Variants in ALG13 observed in about 807,000 individuals in gnomAD.
ALG13 encodes UDP-N-acetylglucosamine transferase subunit ALG13.
In ALG13, 11 loss-of-function variants were observed where a neutral mutation model predicts 87.8. That is an observed-to-expected ratio of 0.13 (90% confidence interval 0.08 to 0.21). ALG13 has a LOEUF of 0.21. Ranked by LOEUF, ALG13 falls within the 10% of genes least tolerant of loss-of-function variation. ALG13 has a pLI of 1.00. For missense variants in ALG13, 756 were observed against 866.1 expected, an observed-to-expected ratio of 0.87 and a Z score of 1.60; for synonymous variants, 320 against 306.3, an observed-to-expected ratio of 1.04 and a Z score of -0.47.
At chrX:111,742,131 A>C (rs934741014) in intron 23 of ALG13, among the ~76,000 whole-genome samples, 1 of 111,802 alleles carries the variant, frequency 8.9e-6, no homozygotes, top group Non-Finnish European at 1.9e-5. Flanking sequence ...AATGAACCTC[A>C]ACTATAGATC....
chrX:111,733,453 A>C (rs1288185742), intron 21 of ALG13, among the ~76,000 whole-genome samples: 1 of 111,915 alleles, frequency 8.9e-6, no homozygotes, highest in Non-Finnish European at 1.9e-5. Flanking sequence ...GAGTTGCTTC[A>C]GATGCCATTA....
At chrX:111,698,900 T>C (rs750307465) in intron 3 of ALG13, among the ~76,000 whole-genome samples, 2 of 111,729 alleles carry the variant, frequency 1.8e-5, no homozygotes, top group African/African-American at 6.5e-5. Context: ...CTAGATCATA[T>C]GGTAGTTCTA....
intron 24 of ALG13, among the ~76,000 whole-genome samples, chrX:111,752,408 C>T (rs982113370): frequency 1.8e-5 from 2 of 110,955 alleles, no homozygotes; most frequent in Non-Finnish European, 3.8e-5. Context: ...AATGCTCAAA[C>T]AGAAAAGCTT....
chrX:111,705,072 T>C (rs768497607), intron 3 of ALG13, among the ~76,000 whole-genome samples: 16 of 111,980 alleles, frequency 1.4e-4, no homozygotes, highest in Non-Finnish European at 2.6e-4. Context: ...AATGGAATCA[T>C]ATTCCTTTTG....
In ALG13 at chrX:111,691,129, C is replaced by T. The variant is rs1050118623; in HGVS notation, c.383+6026C>T. ...TTATTTATTTATTTTGAGACCAAGT[C>T]TCGCTCTGTCACCCAGACTGGAGTG... On this transcript the variant is annotated intron_variant, in intron 3 of 26. Transcript: ENST00000394780. Among the ~76,000 whole-genome samples the T allele has an allele frequency of 2.7e-5, 3 of 111,096 alleles. No homozygotes were observed. In the Admixed American group the frequency reaches 2.9e-4, roughly 11 times the overall value.
chrX:111,703,185 GTCATCATCATCA>G (rs747566924), intron 3 of ALG13, among the ~76,000 whole-genome samples: 7 of 107,836 alleles, frequency 6.5e-5, no homozygotes, highest in Admixed American at 9.9e-5. Context: ...TTTTTATATT[GTCATCATCATCA>G]TCATCATCAT....
chrX:111,734,071 C>G (rs1942995302), intron 21 of ALG13, among the ~76,000 whole-genome samples: 1 of 112,044 alleles, frequency 8.9e-6, no homozygotes, highest in Non-Finnish European at 1.9e-5. Context: ...GTATAGATTG[C>G]TAGATTGTGA....
intron 22 of ALG13, among the ~76,000 whole-genome samples, chrX:111,735,508 TG>T: frequency 9.0e-6 from 1 of 111,505 alleles, no homozygotes; most frequent in Non-Finnish European, 1.9e-5. Context: ...AAGATCATCC[TG>T]GGCAAAGGAA....
intron 24 of ALG13, among the ~76,000 whole-genome samples, chrX:111,750,257 G>A (rs771359814): frequency 3.4e-4 from 38 of 110,864 alleles, no homozygotes; most frequent in Non-Finnish European, 5.3e-4. Context: ...CTTAGCAATC[G>A]CTCCTCTAGT....
chrX:111,728,224 G>A lies in ALG13; in HGVS notation c.2287G>A (p.Gly763Arg). 1.7e-6 allele frequency: 2 copies of A among 1,211,339 alleles called. No individual in the cohort carries two copies. Among genetic ancestry groups the A allele is most frequent in the African/African-American group, 1.7e-5 (1 of 57,791 alleles). The change falls in exon 19 of 27, where the codon GGA becomes AGA. Residue 763 changes from glycine to arginine, a missense_variant. This residue lies in a region of ALG13 where 362 missense variants were observed against 383.5 expected (regional missense o/e 0.94). Transcript: ENST00000394780. ...CTCTACAATGGTTCCTGCTACTTCA[G>A]GATACTGTGTTGGAAGGCGGGGACA... ...GPSTMVPATSGYCVGRRGHSS... is the reference protein window; with the variant it reads ...GPSTMVPATSRYCVGRRGHSS...
chrX:111,718,017 G>A (rs1940882739), intron 9 of ALG13, 90 bp downstream of exon 9: 3 of 1,072,815 alleles, frequency 2.8e-6, no homozygotes, highest in Admixed American at 2.6e-5. Context: ...TTAAAACCTT[G>A]TTGGTACCTA....
At chrX:111,710,641 A>G in intron 5 of ALG13, among the ~76,000 whole-genome samples, 1 of 112,109 alleles carries the variant, frequency 8.9e-6, no homozygotes, top group Non-Finnish European at 1.9e-5. Context: ...TGATGATTTC[A>G]TGGGTGTATA....
chrX:111,717,215 G>T (rs1464782324), intron 8 of ALG13, among the ~76,000 whole-genome samples: 1 of 110,851 alleles, frequency 9.0e-6, no homozygotes, highest in Non-Finnish European at 1.9e-5. Context: ...CATGGCCTTT[G>T]AATTGTTTTG....
rs1933058389 is a variant in ALG13, at chrX:111,681,309, G to A, written c.81+10G>A. On this transcript the variant is annotated intron_variant, in intron 1 of 26. Coordinates refer to ENST00000394780, the MANE Select transcript of ALG13 (RefSeq NM_001099922.3). Reference sequence around the variant, plus strand: ...GCCCGACAGTCTGCAAGTGAGTGAGGGAGGCGAGCAGGCGGCGGCTTGGCT... The same window carrying A: ...GCCCGACAGTCTGCAAGTGAGTGAGAGAGGCGAGCAGGCGGCGGCTTGGCT... 1.7e-6 allele frequency: 2 copies of A among 1,209,911 alleles called. No individual in the cohort carries two copies. Among genetic ancestry groups the A allele is most frequent in the Admixed American group, 2.2e-5 (1 of 45,938 alleles).
intron 3 of ALG13, among the ~76,000 whole-genome samples, chrX:111,698,733 G>A: frequency 9.0e-6 from 1 of 111,674 alleles, no homozygotes; most frequent in Non-Finnish European, 1.9e-5. Flanking sequence ...TTTTGTATAT[G>A]TACCACATTT....
intron 25 of ALG13, 78 bp from the exon 26 acceptor site, chrX:111,757,508 TTG>T: frequency 1.8e-5 from 13 of 717,336 alleles, no homozygotes; most frequent in South Asian, 6.2e-5. Flanking sequence ...TTTTTTTTTT[TTG>T]TCTGTGGGGA....
At position 111,759,765 on chromosome X, in the gene ALG13, C is replaced by A. The variant is rs780502052; in HGVS notation, c.3180C>A (p.Val1060=). ...DTFPNADSSS[V]PHGAVYYPVM... is the part of the protein sequence containing the mutation. ...TTCCGAATGCTGATTCTTCATCTGT[C>A]CCTCATGGAGCAGTCTATTATCCAG... The change falls in exon 27 of 27, where the codon GTC becomes GTA. Residue 1060 remains valine (V), a synonymous_variant. Coordinates refer to ENST00000394780, the MANE Select transcript of ALG13 (RefSeq NM_001099922.3). 2 of 1,207,899 alleles carry A rather than the reference C, an allele frequency of 1.7e-6. No homozygotes were observed. The highest frequency in any genetic ancestry group is 3.5e-5 in the South Asian group (2 of 56,348).
Position 111,697,522 on chromosome X carries a change from C to G in ALG13, c.384-10505C>G, listed in dbSNP as rs775757299. Among the ~76,000 whole-genome samples, 11 of 111,755 alleles carry G rather than the reference C, an allele frequency of 9.8e-5. No individual in the cohort carries two copies. The East Asian group carries it at 2.8e-3, about 29-fold the overall frequency. ...TTTAACAAGCCCTCCACTTGAGAAC[C>G]ACTGTTCTGGAAGTTTTTCAGGACT... On this transcript the variant is annotated intron_variant, in intron 3 of 26. Coordinates refer to ENST00000394780, the MANE Select transcript of ALG13 (RefSeq NM_001099922.3).
intron 24 of ALG13, among the ~76,000 whole-genome samples, chrX:111,751,929 T>G (rs971612414): frequency 8.9e-6 from 1 of 111,883 alleles, no homozygotes; most frequent in Non-Finnish European, 1.9e-5. Flanking sequence ...TATGAAATAG[T>G]TTAGTTTCAT....
Sources: allele counts gnomAD v4.1 joint callset (sites outside exome capture counted in the v4.1 genomes callset), GRCh38; gene constraint gnomAD v4.1.1; regional missense constraint gnomAD v4.1.1; transcripts MANE v1.5; gene names NCBI Gene and HGNC (gene_info 2026-07-23, HGNC 2026-07-21).